The following NEK11 variants were observed in gnomAD, a reference collection of about 807,000 sequenced individuals.
The protein encoded by NEK11 is NIMA related kinase 11, also known as serine/threonine-protein kinase Nek11.
In NEK11, 72 loss-of-function variants were observed where a neutral mutation model predicts 80.7. The observed-to-expected ratio is 0.89, with a 90% CI of 0.74 to 1.08. The LOEUF (loss-of-function observed/expected upper bound fraction) is 1.08, where lower values mean the gene tolerates loss of function less well. Ranked by LOEUF, NEK11 falls within the 50% of genes least tolerant of loss-of-function variation. NEK11 has a pLI of 0.00. For missense variants in NEK11, 764 were observed against 763.6 expected, an observed-to-expected ratio of 1.00 and a Z score of -0.01; for synonymous variants, 251 against 260.7, an observed-to-expected ratio of 0.96 and a Z score of 0.36.
intron 15 of NEK11, among the ~76,000 whole-genome samples, chr3:131,230,043 C>G (rs1353751836): frequency 6.6e-6 from 1 of 152,140 alleles, no homozygotes; most frequent in Non-Finnish European, 1.5e-5. Flanking sequence ...GATATTATTG[C>G]AGCATTACAG....
At chr3:131,166,754 G>A (rs2092278090) in intron 12 of NEK11, among the ~76,000 whole-genome samples, 1 of 152,160 alleles carries the variant, frequency 6.6e-6, no homozygotes, top group African/African-American at 2.4e-5. Context: ...TGAAGAACCT[G>A]CTGACTGAAA....
At chr3:131,273,371 C>T (rs1027987915) in intron 16 of NEK11, 107 bp from the exon 17 acceptor site, 21 of 716,584 alleles carry the variant, frequency 2.9e-5, no homozygotes, top group Non-Finnish European at 4.7e-5. Context: ...GTAGCATTAC[C>T]ATGTGGCAAA....
At chr3:131,288,371 T>C (rs1480456298) in intron 17 of NEK11, among the ~76,000 whole-genome samples, 1 of 152,128 alleles carries the variant, frequency 6.6e-6, no homozygotes, top group Non-Finnish European at 1.5e-5. Context: ...TGATCATCTT[T>C]TCTGCTTTGG....
In NEK11 at chr3:131,179,336, T is replaced by C. The variant is rs141234360; in HGVS notation, c.1399+8449T>C. The stretch of plus-strand genomic sequence containing the variant: ...TTTTGTGACAATAGCACAGATAGGC[T>C]AAGAAAAGGACAGAACTTGTACTGA... On this transcript the variant is annotated intron_variant, in intron 14 of 17. Transcript: ENST00000383366. 8.1e-3 allele frequency among the ~76,000 whole-genome samples: 1,233 copies of C among 152,322 alleles called. 22 individuals are homozygous for C. Among genetic ancestry groups the C allele is most frequent in the African/African-American group, 0.028 (1,165 of 41,570 alleles).
intron 17 of NEK11, among the ~76,000 whole-genome samples, chr3:131,323,184 A>G (rs2096914276): frequency 6.6e-6 from 1 of 152,176 alleles, no homozygotes; most frequent in South Asian, 2.1e-4. Context: ...ACCCCACCTT[A>G]ACGAGGAATT....
chr3:131,055,552 A>G (rs866028127), intron 3 of NEK11, among the ~76,000 whole-genome samples: 1 of 152,144 alleles, frequency 6.6e-6, no homozygotes, highest in African/African-American at 2.4e-5. Flanking sequence ...CCTGGGCAAC[A>G]TAGTAGGACC....
intron 3 of NEK11, among the ~76,000 whole-genome samples, chr3:131,064,208 T>G (rs1333329119): frequency 6.6e-6 from 1 of 151,942 alleles, no homozygotes; most frequent in Non-Finnish European, 1.5e-5. Flanking sequence ...AGGGATTTCT[T>G]TGGGGACTGT....
intron 7 of NEK11, among the ~76,000 whole-genome samples, chr3:131,143,304 T>C (rs1483526694): frequency 6.6e-6 from 1 of 152,108 alleles, no homozygotes; most frequent in Non-Finnish European, 1.5e-5. Flanking sequence ...CTTTAGATAG[T>C]TTGAGGTTCT....
At chr3:131,192,361 G>A (rs2093830497) in intron 14 of NEK11, among the ~76,000 whole-genome samples, 1 of 152,112 alleles carries the variant, frequency 6.6e-6, no homozygotes, top group Non-Finnish European at 1.5e-5. Flanking sequence ...GGTAGCTGCT[G>A]TATAAAACAG....
rs2096759255 is a variant in NEK11, at chr3:131,309,741, G to A, written c.1718+36167G>A. Among the ~76,000 whole-genome samples, 4 of 151,896 alleles carry A rather than the reference G, an allele frequency of 2.6e-5. No homozygotes were observed. The South Asian group carries it at 8.3e-4, about 32-fold the overall frequency. Reference sequence around the variant, plus strand: ...TACCCTTTTGTTCAGAAATAAGAGGGTAAAACATTTTATTTTAAAAGGCAC... The same window carrying A: ...TACCCTTTTGTTCAGAAATAAGAGGATAAAACATTTTATTTTAAAAGGCAC... On this transcript the variant is annotated intron_variant, in intron 17 of 17. Coordinates refer to ENST00000383366, the MANE Select transcript of NEK11 (RefSeq NM_024800.5).
At chr3:131,262,181 G>A (rs1181529399) in intron 16 of NEK11, among the ~76,000 whole-genome samples, 1 of 152,102 alleles carries the variant, frequency 6.6e-6, no homozygotes, top group Non-Finnish European at 1.5e-5. Flanking sequence ...TAAATTAGAT[G>A]AAATGGACAA....
chr3:131,125,095 C>T (rs997677097), intron 5 of NEK11, among the ~76,000 whole-genome samples: 9 of 152,168 alleles, frequency 5.9e-5, no homozygotes, highest in Non-Finnish European at 1.3e-4. Flanking sequence ...CTCTCTAATC[C>T]ACTAAAGGGT....
At chr3:131,207,755 A>G (rs1278432349) in intron 14 of NEK11, among the ~76,000 whole-genome samples, 1 of 152,170 alleles carries the variant, frequency 6.6e-6, no homozygotes, top group African/African-American at 2.4e-5. Flanking sequence ...TTGGCTGCAT[A>G]AATGTCTTCT....
intron 3 of NEK11, among the ~76,000 whole-genome samples, chr3:131,060,394 A>G (rs2070639177): frequency 1.3e-5 from 2 of 152,182 alleles, no homozygotes; most frequent in South Asian, 4.1e-4. Flanking sequence ...GAGGCAATTT[A>G]TCTAGCCTTC....
At chr3:131,336,516 T>C (rs2097187148) in intron 17 of NEK11, among the ~76,000 whole-genome samples, 1 of 152,110 alleles carries the variant, frequency 6.6e-6, no homozygotes, top group Non-Finnish European at 1.5e-5. Flanking sequence ...ATAAAAACCC[T>C]AGAAGAAAAC....
intron 14 of NEK11, among the ~76,000 whole-genome samples, chr3:131,174,187 G>T (rs2092870085): frequency 6.6e-6 from 1 of 151,974 alleles, no homozygotes; most frequent in South Asian, 2.1e-4. Flanking sequence ...AGTAAAAAAA[G>T]AAGAAAAAAA....
chr3:131,237,273 C>A (rs1161330442), intron 15 of NEK11, among the ~76,000 whole-genome samples: 1 of 152,044 alleles, frequency 6.6e-6, no homozygotes, highest in Non-Finnish European at 1.5e-5. Context: ...GAGGTTGAGG[C>A]TGCAGTGAGC....
chr3:131,263,202 A>G (rs375288466), intron 16 of NEK11, among the ~76,000 whole-genome samples: 25 of 151,978 alleles, frequency 1.6e-4, no homozygotes, highest in East Asian at 5.8e-4. Flanking sequence ...CCACCCCACG[A>G]CAGGCCCTGG....
At chr3:131,340,957 T>C (rs2097275049) in intron 17 of NEK11, among the ~76,000 whole-genome samples, 1 of 152,174 alleles carries the variant, frequency 6.6e-6, no homozygotes, top group Admixed American at 6.6e-5. Flanking sequence ...ATAAATTCTT[T>C]TTATTTGAGA....
Sources: gnomAD v4.1 joint callset for allele counts (sites outside exome capture counted in the v4.1 genomes callset) on GRCh38, gnomAD v4.1.1 for gene constraint, MANE v1.5 for transcripts, NCBI Gene and HGNC (gene_info 2026-07-23, HGNC 2026-07-21) for gene names.